Variants in PRR16 observed in about 807,000 individuals in gnomAD.
PRR16 encodes proline rich 16.
In PRR16, 6 loss-of-function variants were observed where a neutral mutation model predicts 18.2. That is an observed-to-expected ratio of 0.33 (90% CI 0.18 to 0.65). The LOEUF (loss-of-function observed/expected upper bound fraction) is 0.65. Ranked by LOEUF, PRR16 falls within the 30% of genes least tolerant of loss-of-function variation. PRR16 has a pLI of 0.74. For synonymous variants in PRR16, 151 were observed against 147.8 expected, an observed-to-expected ratio of 1.02 and a Z score of -0.16; for missense variants, 412 against 376.6, an observed-to-expected ratio of 1.09 and a Z score of -0.78.
chr5:120,516,010 A>G (rs1750977703), intron 1 of PRR16, among the ~76,000 whole-genome samples: 1 of 152,130 alleles, frequency 6.6e-6, no homozygotes, highest in African/African-American at 2.4e-5. Context: ...TGTGTAAACA[A>G]TTTTCACTTT....
chr5:120,471,530 C>T (rs1157693179), intron 1 of PRR16, among the ~76,000 whole-genome samples: 1 of 151,986 alleles, frequency 6.6e-6, no homozygotes, highest in Non-Finnish European at 1.5e-5. Context: ...CTAGGAACAA[C>T]ATTATTGAAC....
the PRR16 span, among the ~76,000 whole-genome samples, chr5:120,788,117 G>T: frequency 6.6e-6 from 1 of 151,742 alleles, no homozygotes. Context: ...CACTACCGCC[G>T]TGTTCATTTT....
At chr5:120,693,225 T>A in the PRR16 span, among the ~76,000 whole-genome samples, 1 of 152,334 alleles carries the variant, frequency 6.6e-6, no homozygotes, top group South Asian at 2.1e-4. Context: ...TCTTAAGTGC[T>A]CCTGATAGAG....
the PRR16 span, among the ~76,000 whole-genome samples, chr5:120,723,996 C>T: frequency 2.0e-5 from 3 of 151,074 alleles, no homozygotes; most frequent in African/African-American, 7.3e-5. Flanking sequence ...CAAAACTACC[C>T]ATAATCTTAA....
intron 1 of PRR16, among the ~76,000 whole-genome samples, chr5:120,541,899 G>A (rs1751927889): frequency 6.6e-6 from 1 of 151,680 alleles, no homozygotes; most frequent in African/African-American, 2.4e-5. Flanking sequence ...GAGTTATCAG[G>A]CAGAATTTAC....
intron 1 of PRR16, among the ~76,000 whole-genome samples, chr5:120,678,591 A>C (rs1000514787): frequency 3.3e-5 from 5 of 152,188 alleles, no homozygotes; most frequent in Admixed American, 1.3e-4. Context: ...TAATAAAAGG[A>C]CAAAGCAGAG....
At chr5:120,660,303 A>G (rs1266646440) in intron 1 of PRR16, among the ~76,000 whole-genome samples, 3 of 152,072 alleles carry the variant, frequency 2.0e-5, no homozygotes, top group African/African-American at 7.2e-5. Flanking sequence ...GTGGCAACAT[A>G]TTTTATAATT....
chr5:120,524,760 GC>G (rs1561530551), intron 1 of PRR16, among the ~76,000 whole-genome samples: 1 of 151,972 alleles, frequency 6.6e-6, no homozygotes, highest in Non-Finnish European at 1.5e-5. Flanking sequence ...TGATCATTAT[GC>G]CTTGTATGCC....
At chr5:120,636,047 A>C (rs956252721) in intron 1 of PRR16, among the ~76,000 whole-genome samples, 4 of 152,046 alleles carry the variant, frequency 2.6e-5, no homozygotes, top group African/African-American at 9.7e-5. Flanking sequence ...AATAAATAAA[A>C]TACTTAGGAA....
intron 1 of PRR16, among the ~76,000 whole-genome samples, chr5:120,586,973 A>G (rs1753467773): frequency 6.6e-6 from 1 of 152,218 alleles, no homozygotes; most frequent in South Asian, 2.1e-4. Flanking sequence ...GAAGAAAATT[A>G]AAAGTACTTC....
chr5:120,743,598 T>G, the PRR16 span, among the ~76,000 whole-genome samples: 1 of 152,290 alleles, frequency 6.6e-6, no homozygotes, highest in African/African-American at 2.4e-5. Flanking sequence ...TTTTAATTAC[T>G]TGAGATATAT....
At chr5:120,757,751 T>C in the PRR16 span, among the ~76,000 whole-genome samples, 29 of 152,190 alleles carry the variant, frequency 1.9e-4, no homozygotes, top group Middle Eastern at 6.8e-3. Flanking sequence ...ATTGGCGATG[T>C]GTAACTAATG....
At chr5:120,507,164 T>G (rs988124459) in intron 1 of PRR16, among the ~76,000 whole-genome samples, 9 of 152,140 alleles carry the variant, frequency 5.9e-5, no homozygotes, top group African/African-American at 2.2e-4. Flanking sequence ...ACTAGAAACA[T>G]AAGGGCACCA....
chr5:120,475,042 T>C (rs1211532129), intron 1 of PRR16, among the ~76,000 whole-genome samples: 1 of 152,180 alleles, frequency 6.6e-6, no homozygotes, highest in African/African-American at 2.4e-5. Flanking sequence ...ATGATGACGA[T>C]GATGATGATA....
At chr5:120,793,971 G>C in the PRR16 span, among the ~76,000 whole-genome samples, 1 of 152,094 alleles carries the variant, frequency 6.6e-6, no homozygotes, top group Non-Finnish European at 1.5e-5. Flanking sequence ...GTATTACCTT[G>C]TGGGACCACC....
chr5:120,745,654 T>C, the PRR16 span, among the ~76,000 whole-genome samples: 1 of 150,980 alleles, frequency 6.6e-6, no homozygotes, highest in East Asian at 1.9e-4. Flanking sequence ...CTTTGTTTTG[T>C]TTTGTTTTGT....
At chr5:120,670,003 A>G (rs1341434825) in intron 1 of PRR16, among the ~76,000 whole-genome samples, 4 of 152,242 alleles carry the variant, frequency 2.6e-5, no homozygotes, top group East Asian at 3.9e-4. Flanking sequence ...CATAAAATAA[A>G]CAATACTTTT....
chr5:120,621,421 C>G (rs1754685704), intron 1 of PRR16, among the ~76,000 whole-genome samples: 5 of 152,068 alleles, frequency 3.3e-5, no homozygotes, highest in Admixed American at 2.6e-4. Context: ...GATCTCTTCT[C>G]AGCCAGAGCT....
At chr5:120,491,482 T>C (rs1019791356) in intron 1 of PRR16, among the ~76,000 whole-genome samples, 6 of 123,916 alleles carry the variant, frequency 4.8e-5, no homozygotes, top group African/African-American at 1.2e-4. Context: ...TCCTTTCCTT[T>C]CTTCCTTCCT....
Sources: allele counts gnomAD v4.1 joint callset (sites outside exome capture counted in the v4.1 genomes callset), GRCh38; gene constraint gnomAD v4.1.1; transcripts MANE v1.5; gene names NCBI Gene and HGNC (gene_info 2026-07-23, HGNC 2026-07-21).